The following PTPRD variants were observed in gnomAD, a reference collection of about 807,000 sequenced individuals.
PTPRD encodes receptor-type tyrosine-protein phosphatase delta.
In PTPRD, 34 loss-of-function variants were observed where a neutral mutation model predicts 214.5. That is an observed-to-expected ratio of 0.16 (90% confidence interval 0.12 to 0.21). PTPRD has a LOEUF of 0.21. Among genes scored for constraint, PTPRD ranks in the 10% least tolerant of loss-of-function variants. The pLI, the probability that PTPRD is intolerant of heterozygous loss-of-function variation, is 1.00. For synonymous variants in PTPRD, 1,128 were observed against 845.7 expected (o/e 1.33, Z -5.79); for missense variants, 2,545 against 2,398.7 (o/e 1.06, Z -1.27).
At chr9:9,561,040 G>A (rs1027479769) in intron 8 of PTPRD, among the ~76,000 whole-genome samples, 2 of 152,138 alleles carry the variant, frequency 1.3e-5, no homozygotes, top group Non-Finnish European at 1.5e-5. Flanking sequence ...GAGCCGAGCT[G>A]AGCCCCAAGA....
At chr9:9,231,212 T>A (rs2099962911) in intron 9 of PTPRD, among the ~76,000 whole-genome samples, 1 of 152,168 alleles carries the variant, frequency 6.6e-6, no homozygotes, top group Non-Finnish European at 1.5e-5. Context: ...GTTCATTAGT[T>A]AGACTTAAAA....
chr9:10,102,502 T>C lies in PTPRD; in HGVS notation c.-544-68712A>G, dbSNP rs1346785829. On this transcript the variant is annotated intron_variant, in intron 3 of 45. Transcript: ENST00000381196. ...CTATTAATCTCAGATAAACAAAACA[T>C]GTCACAACATCTACCATCCCTTGCT... Among the ~76,000 whole-genome samples the C allele has an allele frequency of 5.3e-5, 8 of 151,738 alleles. No individual in the cohort carries two copies. The South Asian group carries it at 8.3e-4, about 16-fold the overall frequency.
At chr9:9,150,314 C>T (rs569677279) in intron 10 of PTPRD, among the ~76,000 whole-genome samples, 18 of 151,804 alleles carry the variant, frequency 1.2e-4, no homozygotes, top group African/African-American at 3.1e-4. Flanking sequence ...ACTAAGGATA[C>T]GTGCTTTGTG....
chr9:9,835,766 T>C (rs1347241275), intron 5 of PTPRD, among the ~76,000 whole-genome samples: 1 of 151,698 alleles, frequency 6.6e-6, no homozygotes, highest in African/African-American at 2.4e-5. Context: ...AACACAGGAG[T>C]GGAATCAACT....
intron 8 of PTPRD, among the ~76,000 whole-genome samples, chr9:9,488,783 C>T (rs2095772553): frequency 1.3e-5 from 2 of 152,096 alleles, no homozygotes; most frequent in South Asian, 4.1e-4. Flanking sequence ...AATTTCAATG[C>T]TCAGCACAGT....
intron 4 of PTPRD, among the ~76,000 whole-genome samples, chr9:9,947,575 T>TTATATA (rs1197336438): frequency 4.8e-5 from 2 of 41,984 alleles, no homozygotes; most frequent in Non-Finnish European, 7.2e-5. Context: ...TATATATATA[T>TTATATA]TATATATATA....
intron 3 of PTPRD, among the ~76,000 whole-genome samples, chr9:10,242,605 A>G (rs1381373585): frequency 1.5e-5 from 1 of 66,302 alleles, no homozygotes; most frequent in African/African-American, 4.9e-5. Flanking sequence ...CAGGCATTGA[A>G]TACATTTTTT....
chr9:9,873,363 A>C (rs1194564761), intron 5 of PTPRD, among the ~76,000 whole-genome samples: 1 of 152,138 alleles, frequency 6.6e-6, no homozygotes, highest in Non-Finnish European at 1.5e-5. Context: ...GAATGAAATA[A>C]TCCTTAAAGC....
chr9:8,700,166 T>C (rs111237926), intron 12 of PTPRD, among the ~76,000 whole-genome samples: 129 of 152,336 alleles, frequency 8.5e-4, no homozygotes, highest in African/African-American at 2.9e-3. Flanking sequence ...TGTGACATTC[T>C]GCTGCTGTAA....
intron 3 of PTPRD, among the ~76,000 whole-genome samples, chr9:10,291,737 T>G (rs1158166986): frequency 6.6e-6 from 1 of 152,080 alleles, no homozygotes; most frequent in Non-Finnish European, 1.5e-5. Context: ...TTCAGACTTC[T>G]GGACTCCAGG....
intron 2 of PTPRD, among the ~76,000 whole-genome samples, chr9:10,598,670 A>ATGTG (rs1175090419): frequency 0.24 from 18,624 of 79,016 alleles, 1,662 homozygotes; most frequent in Admixed American, 0.39. Context: ...ATTTTTATAT[A>ATGTG]TGTATGTGTG....
At chr9:9,896,546 T>A (rs554445074) in intron 5 of PTPRD, among the ~76,000 whole-genome samples, 3 of 151,938 alleles carry the variant, frequency 2.0e-5, no homozygotes, top group Non-Finnish European at 4.4e-5. Flanking sequence ...AAGGAAAAAA[T>A]CTACAATGAT....
In PTPRD at chr9:10,419,684, T is replaced by C. The variant is rs139365188; in HGVS notation, c.-599-78667A>G. Among the ~76,000 whole-genome samples the C allele has an allele frequency of 2.6e-5, 4 of 151,968 alleles. No individual in the cohort carries two copies. The East Asian group carries it at 5.9e-4, about 22-fold the overall frequency. On this transcript the variant is annotated intron_variant, in intron 2 of 45. Coordinates refer to ENST00000381196, the MANE Select transcript of PTPRD (RefSeq NM_002839.4). ...TGATCTCTTGGTTGTCTTCATCTTA[T>C]GAAGTGCCAATGAAGAGGTCCAATT...
intron 31 of PTPRD, among the ~76,000 whole-genome samples, chr9:8,468,065 T>C (rs977313589): frequency 6.6e-6 from 1 of 152,038 alleles, no homozygotes; most frequent in Non-Finnish European, 1.5e-5. Context: ...ATCATTGTCA[T>C]TCCCACAAGC....
At chr9:8,686,146 G>A (rs751831408) in intron 12 of PTPRD, among the ~76,000 whole-genome samples, 1 of 152,170 alleles carries the variant, frequency 6.6e-6, no homozygotes, top group Non-Finnish European at 1.5e-5. Flanking sequence ...CGTACAATAT[G>A]ACTCAATTTC....
chr9:10,591,834 C>T (rs1466781236), intron 2 of PTPRD, among the ~76,000 whole-genome samples: 3 of 152,072 alleles, frequency 2.0e-5, no homozygotes, highest in Non-Finnish European at 4.4e-5. Flanking sequence ...TACCATGTCA[C>T]AGGCAGCCCT....
At chr9:9,697,117 T>C (rs1324920155) in intron 7 of PTPRD, among the ~76,000 whole-genome samples, 2 of 152,244 alleles carry the variant, frequency 1.3e-5, no homozygotes, top group African/African-American at 4.8e-5. Context: ...TGCCTCAATT[T>C]ACATATTTTT....
chr9:9,126,769 CT>C (rs2099834540), intron 10 of PTPRD, among the ~76,000 whole-genome samples: 1 of 152,248 alleles, frequency 6.6e-6, no homozygotes, highest in East Asian at 1.9e-4. Context: ...TCACTGAATG[CT>C]TTTGTACTGC....
At chr9:9,383,099 A>G (rs1889098) in intron 9 of PTPRD, among the ~76,000 whole-genome samples, 128,282 of 152,002 alleles carry the variant, frequency 0.84, 54,276 homozygotes, top group Non-Finnish European at 0.86. Flanking sequence ...TTTGGGAATT[A>G]TATTTTTAGA....
Sources: gnomAD v4.1 joint callset for allele counts (sites outside exome capture counted in the v4.1 genomes callset) on GRCh38, gnomAD v4.1.1 for gene constraint, MANE v1.5 for transcripts, NCBI Gene and HGNC (gene_info 2026-07-23, HGNC 2026-07-21) for gene names.